Variants in FBLN7 observed in about 807,000 individuals in gnomAD.
The protein encoded by FBLN7 is fibulin 7, also known as fibulin-7.
In FBLN7, 31 loss-of-function variants were observed where a neutral mutation model predicts 44.0. The ratio of observed to expected loss-of-function variants is 0.70; its 90% CI spans 0.53 to 0.95. FBLN7 has a LOEUF of 0.95. FBLN7 is among the 40% of genes least tolerant of loss of function. FBLN7 has a pLI of 0.00. For synonymous variants in FBLN7, 262 were observed against 253.4 expected (o/e 1.03, Z -0.32); for missense variants, 573 against 618.5 (o/e 0.93, Z 0.78).
At chr2:112,233,905 G>A in the FBLN7 span, among the ~76,000 whole-genome samples, 2 of 152,016 alleles carry the variant, frequency 1.3e-5, no homozygotes, top group African/African-American at 4.8e-5. Flanking sequence ...AAAATTATCT[G>A]ACTCAGGTGA....
the FBLN7 span, among the ~76,000 whole-genome samples, chr2:112,233,667 A>G: frequency 7.3e-4 from 111 of 152,286 alleles, no homozygotes; most frequent in East Asian, 0.014. Context: ...GGAGATCGAG[A>G]CCATCCTGGC....
In FBLN7 at chr2:112,182,796, A is replaced by G; in HGVS notation, c.676A>G (p.Asn226Asp). The change falls in exon 6 of 8, where the codon AAC becomes GAC. Residue 226 changes from asparagine to aspartate, a missense_variant. Physicochemically the swap from Asn to Asp is conservative, Grantham distance 23. Transcript: ENST00000331203. ...AAGDSVCQDVNECELYGQEGR... is the reference protein window; with the variant it reads ...AAGDSVCQDVDECELYGQEGR... Reference sequence around the variant, plus strand: ...GTGAGCACTTCTGTCTGCAGACGTGAACGAGTGTGAGCTCTACGGGCAGGA... The same window carrying G: ...GTGAGCACTTCTGTCTGCAGACGTGGACGAGTGTGAGCTCTACGGGCAGGA... 3 of 1,601,864 alleles carry G rather than the reference A, an allele frequency of 1.9e-6. No individual in the cohort carries two copies. The highest frequency in any genetic ancestry group is 2.6e-6 in the Non-Finnish European group (3 of 1,174,944).
chr2:112,183,882 G>C (rs1253770942), intron 6 of FBLN7, among the ~76,000 whole-genome samples: 1 of 152,162 alleles, frequency 6.6e-6, no homozygotes, highest in African/African-American at 2.4e-5. Flanking sequence ...GTAGAACAGA[G>C]AGGCTGAGAA....
At chr2:112,160,671 C>T in intron 2 of FBLN7, among the ~76,000 whole-genome samples, 6 of 147,498 alleles carry the variant, frequency 4.1e-5, no homozygotes, top group Non-Finnish European at 7.5e-5. Flanking sequence ...CACGCACACG[C>T]ACACGCAGAC....
intron 3 of FBLN7, among the ~76,000 whole-genome samples, chr2:112,172,835 T>C (rs1318682018): frequency 6.6e-6 from 1 of 152,162 alleles, no homozygotes; most frequent in Non-Finnish European, 1.5e-5. Flanking sequence ...GGTTTCGCCA[T>C]GTTGGCCAGG....
the FBLN7 span, among the ~76,000 whole-genome samples, chr2:112,210,172 T>C: frequency 6.6e-6 from 1 of 151,726 alleles, no homozygotes; most frequent in Non-Finnish European, 1.5e-5. Flanking sequence ...AGGTGGAGAA[T>C]GTGGTGGCAG....
At chr2:112,223,431 T>A in the FBLN7 span, among the ~76,000 whole-genome samples, 1 of 152,208 alleles carries the variant, frequency 6.6e-6, no homozygotes, top group East Asian at 1.9e-4. Flanking sequence ...GAAATGAGTG[T>A]TGAATTTAGC....
At chr2:112,146,676 G>T (rs893717098) in intron 1 of FBLN7, among the ~76,000 whole-genome samples, 2 of 150,548 alleles carry the variant, frequency 1.3e-5, no homozygotes, top group African/African-American at 4.9e-5. Flanking sequence ...TGTGGAACTC[G>T]ATCATTATTT....
intron 6 of FBLN7, among the ~76,000 whole-genome samples, chr2:112,183,587 G>C (rs1020146040): frequency 5.3e-5 from 8 of 152,138 alleles, no homozygotes; most frequent in African/African-American, 1.7e-4. Context: ...GACTCCTCAG[G>C]CTGGGTCACT....
the FBLN7 span, among the ~76,000 whole-genome samples, chr2:112,220,463 A>T: frequency 6.6e-6 from 1 of 152,270 alleles, no homozygotes; most frequent in East Asian, 1.9e-4. Flanking sequence ...AGAATGCTGA[A>T]TATAGGCCTC....
chr2:112,178,751 T>C (rs1682849020), intron 4 of FBLN7, among the ~76,000 whole-genome samples: 1 of 152,138 alleles, frequency 6.6e-6, no homozygotes, highest in Non-Finnish European at 1.5e-5. Context: ...AAAGCAAAAC[T>C]ACATGATTAT....
At chr2:112,227,865 T>C in the FBLN7 span, among the ~76,000 whole-genome samples, 1 of 150,606 alleles carries the variant, frequency 6.6e-6, no homozygotes, top group Non-Finnish European at 1.5e-5. Flanking sequence ...CAGAATTCTA[T>C]GTGCAATTTT....
chr2:112,188,856 TAAC>T (rs1683388180), downstream of FBLN7: 2 of 152,232 alleles, frequency 1.3e-5, no homozygotes, highest in African/African-American at 2.4e-5. Context: ...CTGCGATCTC[TAAC>T]AACAGAAAAA....
At chr2:112,156,037 G>A (rs1206417696) in intron 1 of FBLN7, among the ~76,000 whole-genome samples, 2 of 152,200 alleles carry the variant, frequency 1.3e-5, no homozygotes, top group Non-Finnish European at 2.9e-5. Flanking sequence ...AGCTCGTAGC[G>A]CAGGAGGCAG....
chr2:112,234,051 A>G, the FBLN7 span: 5 of 926,762 alleles, frequency 5.4e-6, no homozygotes, highest in East Asian at 1.4e-4. Flanking sequence ...AAAGGTATGA[A>G]TTAAAAGAGT....
At chr2:112,202,505 G>A in the FBLN7 span, among the ~76,000 whole-genome samples, 34 of 151,944 alleles carry the variant, frequency 2.2e-4, no homozygotes, top group African/African-American at 8.2e-4. Context: ...TTAAAAGTGA[G>A]TTAAGGTTTC....
At chr2:112,176,091 C>A in intron 4 of FBLN7, 1 of 309,696 alleles carries the variant, frequency 3.2e-6, no homozygotes, top group Non-Finnish European at 5.8e-6. Context: ...AACTGACTCC[C>A]AACGTAAAAA....
chr2:112,169,010 G>A lies in FBLN7; in HGVS notation c.406+3839G>A, dbSNP rs1004491835. On this transcript the variant is annotated intron_variant, in intron 3 of 7. Coordinates refer to ENST00000331203, the MANE Select transcript of FBLN7 (RefSeq NM_153214.3). ...AGGCAGGCCAGGAGCGGTGGCTCAC[G>A]CCTGTAATCCCGGCACTTTGTGAGG... is the stretch of plus-strand genomic sequence containing the variant. Among the ~76,000 whole-genome samples the A allele has an allele frequency of 9.2e-5, 14 of 152,200 alleles. No homozygotes were observed. The East Asian group carries it at 2.3e-3, about 25-fold the overall frequency.
the FBLN7 span, chr2:112,213,380 C>T: frequency 6.6e-6 from 1 of 152,026 alleles, no homozygotes; most frequent in Non-Finnish European, 1.5e-5. Flanking sequence ...AGGGGACAGT[C>T]ATTTAACATC....
Sources: gnomAD v4.1 joint callset for allele counts (sites outside exome capture counted in the v4.1 genomes callset) on GRCh38, gnomAD v4.1.1 for gene constraint, MANE v1.5 for transcripts, NCBI Gene and HGNC (gene_info 2026-07-23, HGNC 2026-07-21) for gene names.